The following DLG4 variants were observed in gnomAD, a reference collection of about 807,000 sequenced individuals.
DLG4 encodes disks large homolog 4.
A neutral mutation model predicts 93.8 loss-of-function variants in DLG4; 7 were observed. The ratio of observed to expected loss-of-function variants is 0.07; its 90% CI spans 0.04 to 0.14. The LOEUF (loss-of-function observed/expected upper bound fraction) is 0.14, where lower values mean the gene tolerates loss of function less well. Ranked by LOEUF, DLG4 falls within the 10% of genes least tolerant of loss-of-function variation. The pLI, the probability that DLG4 is intolerant of heterozygous loss-of-function variation, is 1.00. For synonymous variants in DLG4, 341 were observed against 387.6 expected, an observed-to-expected ratio of 0.88 and a Z score of 1.41; for missense variants, 545 against 992.9, an observed-to-expected ratio of 0.55 and a Z score of 6.06.
In DLG4 at chr17:7,194,621, AC is replaced by A. The variant is rs2069674192; in HGVS notation, c.1302-127del. 3.0e-6 allele frequency: 3 copies of A among 998,578 alleles called. No individual in the cohort carries two copies. The highest frequency in any genetic ancestry group is 4.3e-6 in the Non-Finnish European group (3 of 692,500). The allele number at this position is 998,578 out of a possible 1,614,324, so 61.9% of individuals were successfully genotyped here. A position where few individuals can be genotyped will look rare whatever the true frequency, so the allele number is the denominator to read the frequency against. On this transcript the variant is annotated intron_variant, in intron 11 of 19. Transcript: ENST00000399506. This position sits in a 1 kb window ranked among gnomAD's most constrained non-coding sequence, Gnocchi z 4.4. ...CCATGGGAGCTATGGATGCCGAGGA[AC>A]CCAAAACTGTGTGGGGACCAAACGC...
At position 7,203,858 on chromosome 17, in the gene DLG4, C is replaced by A; in HGVS notation, c.211-42G>T. On this transcript the variant is annotated intron_variant, in intron 4 of 19. Transcript: ENST00000399506. This position sits in a 1 kb window ranked among gnomAD's most constrained non-coding sequence, Gnocchi z 7.2. The stretch of plus-strand genomic sequence containing the variant: ...AAGAGGGTCAGCTCCCCTCACTGCC[C>A]AAGTCTGGCAAGGCAAGTGGGGTGG... 1 of 1,608,378 alleles carries A rather than the reference C, an allele frequency of 6.2e-7. No homozygotes were observed. The highest frequency in any genetic ancestry group is 8.5e-7 in the Non-Finnish European group (1 of 1,177,332).
Position 7,203,117 on chromosome 17 carries a change from G to C in DLG4, c.643-70C>G. The C allele has an allele frequency of 1.9e-6, 3 of 1,572,194 alleles. No homozygotes were observed. Among genetic ancestry groups the C allele is most frequent in the Non-Finnish European group, 2.6e-6 (3 of 1,151,612 alleles). On this transcript the variant is annotated intron_variant, in intron 7 of 19. Transcript: ENST00000399506. The surrounding 1 kb of genome is among the most constrained non-coding windows in gnomAD (Gnocchi z 7.2). The stretch of plus-strand genomic sequence containing the variant: ...CAAGACAGAAGCACTGGGGTGAAGT[G>C]ATGAACTTGGGCCTGCCAGGGCTAG...
At chr17:7,218,044 A>G (rs1367416422), upstream of DLG4, among the ~76,000 whole-genome samples, 1 of 151,802 alleles carries the variant, frequency 6.6e-6, no homozygotes, top group Non-Finnish European at 1.5e-5. Flanking sequence ...GGGGCAGCCA[A>G]AGAAAACGAG....
chr17:7,213,095 CTTTT>C (rs746009346), intron 1 of DLG4, among the ~76,000 whole-genome samples: 5,773 of 80,642 alleles, frequency 0.072, 110 homozygotes, highest in East Asian at 0.2. Flanking sequence ...TTCTTTCTTT[CTTTT>C]TTTTTTTTTT....
rs2069490211 is a variant in DLG4 at position 7,191,451 on chromosome 17, T to C, written c.1977-93A>G. ...CCAGGAATGTTAAGTATTCTTCTAT[T>C]TGGAGCACATAGCAAAAAAAAAAAT... On this transcript the variant is annotated intron_variant, in intron 18 of 19. Transcript: ENST00000399506. This position sits in a 1 kb window ranked among gnomAD's most constrained non-coding sequence, Gnocchi z 6.6. The C allele has an allele frequency of 2.0e-6, 2 of 998,940 alleles. No individual in the cohort carries two copies. The highest frequency in any genetic ancestry group is 1.3e-5 in the South Asian group (1 of 74,406). 61.9% of individuals were successfully genotyped at this position (998,940 alleles called of 1,614,324 possible). A position where few individuals can be genotyped will look rare whatever the true frequency, so the allele number is the denominator to read the frequency against.
chr17:7,205,178 G>T, intron 2 of DLG4: 2 of 985,214 alleles, frequency 2.0e-6, no homozygotes, highest in Non-Finnish European at 2.4e-6. Context: ...TGCAAAGGAC[G>T]TCAGGAACTG....
chr17:7,215,727 A>T (rs1264895037), intron 1 of DLG4, among the ~76,000 whole-genome samples: 1 of 152,064 alleles, frequency 6.6e-6, no homozygotes, highest in Non-Finnish European at 1.5e-5. Flanking sequence ...AACCATCCTC[A>T]CACGTGCACA....
chr17:7,194,944 A>G lies in DLG4; in HGVS notation c.1302-449T>C, dbSNP rs1392305037. ...TGAGGCAGGAAAATGGCATGAACCC[A>G]GGAGGCGGAGCTTGCAGTGAGCAGA... On this transcript the variant is annotated intron_variant, in intron 11 of 19. Coordinates refer to ENST00000399506, the MANE Select transcript of DLG4 (RefSeq NM_001321075.3). The surrounding 1 kb of genome is among the most constrained non-coding windows in gnomAD (Gnocchi z 4.4). Among the ~76,000 whole-genome samples the G allele has an allele frequency of 6.6e-6, 1 of 151,600 alleles. No homozygotes were observed. Among genetic ancestry groups the G allele is most frequent in the East Asian group, 2.0e-4 (1 of 5,128 alleles).
At chr17:7,206,633 T>C (rs1415993476) in intron 2 of DLG4, among the ~76,000 whole-genome samples, 1 of 152,162 alleles carries the variant, frequency 6.6e-6, no homozygotes, top group African/African-American at 2.4e-5. Flanking sequence ...ACAAACACTC[T>C]GTACCATCCC....
chr17:7,206,476 G>C (rs2070469357), intron 2 of DLG4, among the ~76,000 whole-genome samples: 1 of 151,848 alleles, frequency 6.6e-6, no homozygotes, highest in Non-Finnish European at 1.5e-5. Flanking sequence ...TTCTGCTCCT[G>C]AGCTCTGATC....
rs990555970 is a variant in DLG4, at chr17:7,190,423, T to C, written c.*285A>G. The C allele has an allele frequency of 2.3e-5, 10 of 436,290 alleles. No homozygotes were observed. Among genetic ancestry groups the C allele is most frequent in the South Asian group, 1.2e-4 (5 of 41,500 alleles). The allele number at this position is 436,290 out of a possible 1,614,324, so 27.0% of individuals were successfully genotyped here. ...GGCCCCCGGTGGGTCTGTGTGTGCA[T>C]TGGGGGCAGGTGGGGGCGGGGATCC... On this transcript the variant is annotated 3_prime_UTR_variant, in exon 20 of 20. Coordinates refer to ENST00000399506, the MANE Select transcript of DLG4 (RefSeq NM_001321075.3).
At position 7,208,155 on chromosome 17, in the gene DLG4, C is replaced by A. The variant is rs778413528; in HGVS notation, c.96+19G>T. On this transcript the variant is annotated intron_variant, in intron 2 of 19. Coordinates refer to ENST00000399506, the MANE Select transcript of DLG4 (RefSeq NM_001321075.3). The surrounding 1 kb of genome is among the most constrained non-coding windows in gnomAD (Gnocchi z 5.4). ...GACAAGTTCCTCTCCGCCACGTGCA[C>A]CAGCTCGGGGGCGTTTACCTGGTTG... 1.5e-6 allele frequency: 2 copies of A among 1,318,648 alleles called. No homozygotes were observed. The highest frequency in any genetic ancestry group is 2.0e-6 in the Non-Finnish European group (2 of 1,024,150). The allele number at this position is 1,318,648 out of a possible 1,614,324, so 81.7% of individuals were successfully genotyped here.
At position 7,191,983 on chromosome 17, in the gene DLG4, T is replaced by G; in HGVS notation, c.1886A>C (p.Asp629Ala). The G allele has an allele frequency of 6.9e-7, 1 of 1,454,228 alleles. No homozygotes were observed. The highest frequency in any genetic ancestry group is 9.1e-7 in the Non-Finnish European group (1 of 1,099,046). 90.1% of individuals were successfully genotyped at this position (1,454,228 alleles called of 1,614,324 possible). A position where few individuals can be genotyped will look rare whatever the true frequency, so the allele number is the denominator to read the frequency against. ...VAEQGKHCIL[D>A]VSANAVRRLQ... is the part of the protein sequence containing the mutation. ...CCGCCGCACGGCATTGGCCGAGACA[T>G]CGAGGATGCAGTGCTTCCCCTGGGG... is the stretch of plus-strand genomic sequence containing the variant. Residue 629 changes from aspartate (D) to alanine (A), a missense_variant, in exon 18 of 20, where the codon GAT (aspartate) becomes GCT (alanine). Around this residue, in one of 5 missense-constraint regions of DLG4, gnomAD observed 428 missense variants for 741.4 expected, o/e 0.58. Transcript: ENST00000399506. This position sits in a 1 kb window ranked among gnomAD's most constrained non-coding sequence, Gnocchi z 6.6.
chr17:7,199,317 A>G (rs1332422142), intron 8 of DLG4, among the ~76,000 whole-genome samples: 1 of 151,862 alleles, frequency 6.6e-6, no homozygotes, highest in Non-Finnish European at 1.5e-5. Flanking sequence ...CTCCCACCTC[A>G]ACCTCTCCAG....
At chr17:7,219,144 T>C, upstream of DLG4, 1 of 492,530 alleles carries the variant, frequency 2.0e-6, no homozygotes, top group Non-Finnish European at 3.6e-6. Flanking sequence ...TCTCTCCTCC[T>C]GGGCCTCCTC....
rs1490461185 is a variant in DLG4 at position 7,195,946 on chromosome 17, G to T, written c.1301+274C>A. ...GCATTAACCTTCGAGACGCCAAATTGTGGGGTGGCCTGGGAGTCCCGGGGA... is the reference window on the plus strand; with the variant it reads ...GCATTAACCTTCGAGACGCCAAATTTTGGGGTGGCCTGGGAGTCCCGGGGA... On this transcript the variant is annotated intron_variant, in intron 11 of 19. Transcript: ENST00000399506. This position sits in a 1 kb window ranked among gnomAD's most constrained non-coding sequence, Gnocchi z 4.3. Among the ~76,000 whole-genome samples, 2 of 152,242 alleles carry T rather than the reference G, an allele frequency of 1.3e-5. No individual in the cohort carries two copies. The highest frequency in any genetic ancestry group is 4.8e-5 in the African/African-American group (2 of 41,474).
At chr17:7,201,632 G>A (rs904890703) in intron 8 of DLG4, among the ~76,000 whole-genome samples, 23 of 152,292 alleles carry the variant, frequency 1.5e-4, no homozygotes, top group Admixed American at 1.2e-3. Flanking sequence ...TGTAATCTCA[G>A]CACTTTGGGA....
At position 7,194,018 on chromosome 17, in the gene DLG4, G is replaced by A; in HGVS notation, c.1479-18C>T. On this transcript the variant is annotated intron_variant, in intron 12 of 19. Coordinates refer to ENST00000399506, the MANE Select transcript of DLG4 (RefSeq NM_001321075.3). This position sits in a 1 kb window ranked among gnomAD's most constrained non-coding sequence, Gnocchi z 4.4. Reference sequence around the variant, plus strand: ...GCTCAACCCTGTGGGATACATGGAGGGATACGCGGGTAGGGGAATGCCTAC... The same window carrying A: ...GCTCAACCCTGTGGGATACATGGAGAGATACGCGGGTAGGGGAATGCCTAC... 6.2e-7 allele frequency: 1 copy of A among 1,612,778 alleles called. No homozygotes were observed. The highest frequency in any genetic ancestry group is 2.2e-5 in the East Asian group (1 of 44,850).
At chr17:7,219,668 G>A, upstream of DLG4, 2 of 1,305,038 alleles carry the variant, frequency 1.5e-6, no homozygotes, top group East Asian at 3.4e-5. Flanking sequence ...CATCCCTCTG[G>A]CTGCAGTGAC....
Sources: gnomAD v4.1 joint callset for allele counts (sites outside exome capture counted in the v4.1 genomes callset) on GRCh38, gnomAD v4.1.1 for gene constraint, gnomAD v4.1.1 regional missense constraint, Gnocchi (gnomAD v3.1) non-coding constraint, MANE v1.5 for transcripts, NCBI Gene and HGNC (gene_info 2026-07-23, HGNC 2026-07-21) for gene names.